DGKG: variants seen among roughly 807,000 people sequenced by gnomAD.
The protein encoded by DGKG is diacylglycerol kinase gamma.
DGKG carries 78 observed loss-of-function variants against 105.3 expected under a neutral mutation model. The ratio of observed to expected loss-of-function variants is 0.74; its 90% CI spans 0.62 to 0.89. The LOEUF (loss-of-function observed/expected upper bound fraction) is 0.89. DGKG is among the 40% of genes least tolerant of loss of function. The pLI is 0.00. For synonymous variants in DGKG, 346 were observed against 367.1 expected (o/e 0.94, Z 0.66); for missense variants, 958 against 1,020.1 (o/e 0.94, Z 0.83).
chr3:186,342,100 G>A (rs1038020706), intron 1 of DGKG, among the ~76,000 whole-genome samples: 4 of 152,114 alleles, frequency 2.6e-5, no homozygotes, highest in Admixed American at 2.6e-4. Context: ...GCACCAGCAT[G>A]GCACATGTAT....
intron 3 of DGKG, among the ~76,000 whole-genome samples, chr3:186,304,264 G>A (rs998466045): frequency 3.3e-5 from 5 of 152,244 alleles, no homozygotes; most frequent in African/African-American, 9.6e-5. Context: ...GGGGTGTGGG[G>A]CAGTGAGTTC....
chr3:186,330,827 C>A (rs78796365), intron 1 of DGKG, among the ~76,000 whole-genome samples: 2 of 152,210 alleles, frequency 1.3e-5, no homozygotes, highest in African/African-American at 4.8e-5. Context: ...AACCCATCCC[C>A]GCTCAGCCTG....
At chr3:186,241,035 G>A (rs576612749) in intron 20 of DGKG, among the ~76,000 whole-genome samples, 22 of 152,180 alleles carry the variant, frequency 1.4e-4, no homozygotes, top group Non-Finnish European at 3.2e-4. Context: ...GTGAGAGCAA[G>A]AAGATGCTGT....
chr3:186,159,851 G>C (rs1716204333), intron 24 of DGKG: 1 of 152,284 alleles, frequency 6.6e-6, no homozygotes, highest in African/African-American at 2.4e-5. Context: ...AGGTCACAAG[G>C]GGCGGGGGGG....
intron 22 of DGKG, among the ~76,000 whole-genome samples, chr3:186,178,738 G>T (rs1284118471): frequency 2.6e-5 from 4 of 152,306 alleles, no homozygotes; most frequent in African/African-American, 7.2e-5. Context: ...GTGAATGATT[G>T]CTTCACTTGA....
intron 2 of DGKG, among the ~76,000 whole-genome samples, chr3:186,310,838 C>T (rs1055514050): frequency 2.0e-5 from 3 of 152,192 alleles, no homozygotes; most frequent in Non-Finnish European, 4.4e-5. Context: ...AGACGCTGTC[C>T]TAGTCACCTT....
At chr3:186,159,984 A>G (rs1240751575) in intron 24 of DGKG, 1 of 175,780 alleles carries the variant, frequency 5.7e-6, no homozygotes, top group African/African-American at 2.4e-5. Flanking sequence ...AGGCCTCCCC[A>G]GAAACCAGCC....
At chr3:186,205,077 C>A (rs762971978) in intron 21 of DGKG, among the ~76,000 whole-genome samples, 1 of 151,730 alleles carries the variant, frequency 6.6e-6, no homozygotes, top group South Asian at 2.1e-4. Context: ...GCCAACATGG[C>A]GAAACCCCGT....
chr3:186,330,038 G>A (rs574660113), intron 1 of DGKG, among the ~76,000 whole-genome samples: 3 of 152,248 alleles, frequency 2.0e-5, no homozygotes, highest in East Asian at 1.9e-4. Context: ...TCATTTTCAT[G>A]GAGTCAAAGT....
chr3:186,317,630 C>T (rs145777808), intron 2 of DGKG, among the ~76,000 whole-genome samples: 34 of 152,304 alleles, frequency 2.2e-4, no homozygotes, highest in African/African-American at 7.5e-4. Flanking sequence ...GTCCTCTACC[C>T]GGAATGCCCT....
intron 22 of DGKG, 32 bp from the exon 23 acceptor site, chr3:186,165,050 C>T (rs1177352618): frequency 6.3e-7 from 1 of 1,599,882 alleles, no homozygotes; most frequent in East Asian, 2.2e-5. Flanking sequence ...GTAGTGCATA[C>T]ACATCTCTGT....
intron 22 of DGKG, among the ~76,000 whole-genome samples, chr3:186,166,501 C>A (rs555311252): frequency 6.6e-6 from 1 of 152,346 alleles, no homozygotes; most frequent in Admixed American, 6.5e-5. Context: ...ACCTAATAAA[C>A]AATGAATGTC....
rs576440368 is a variant in DGKG, at chr3:186,267,935, C to CGT, written c.1117-160_1117-159dup. 3.5e-4 allele frequency among the ~76,000 whole-genome samples: 53 copies of CGT among 151,580 alleles called. No homozygotes were observed. The South Asian group carries it at 6.7e-3, about 19-fold the overall frequency. ...GTATTGCCGTGTGTGTGTGTGTGCACGTGTGTGTGTGTGGTTAAGGGTGCA... is the reference window on the plus strand; with the variant it reads ...GTATTGCCGTGTGTGTGTGTGTGCACGTGTGTGTGTGTGTGGTTAAGGGTGCA... On this transcript the variant is annotated intron_variant, in intron 12 of 24. Transcript: ENST00000265022.
At chr3:186,233,150 GTC>G (rs1720235382) in intron 20 of DGKG, among the ~76,000 whole-genome samples, 1 of 152,028 alleles carries the variant, frequency 6.6e-6, no homozygotes, top group South Asian at 2.1e-4. Context: ...TAAGTTGCCA[GTC>G]AATTGACCTT....
At chr3:186,288,977 A>G in intron 5 of DGKG, 97 bp from the exon 6 acceptor site, 1 of 1,245,784 alleles carries the variant, frequency 8.0e-7, no homozygotes, top group Admixed American at 2.5e-5. Flanking sequence ...AGAGGCAAGA[A>G]TTTTGTAGAA....
At chr3:186,215,716 G>A (rs1350010993) in intron 20 of DGKG, among the ~76,000 whole-genome samples, 4 of 151,942 alleles carry the variant, frequency 2.6e-5, no homozygotes, top group Non-Finnish European at 4.4e-5. Context: ...TTTAGCTTAC[G>A]GAACAAAAAA....
intron 16 of DGKG, among the ~76,000 whole-genome samples, chr3:186,259,274 G>C (rs761284174): frequency 6.6e-6 from 1 of 152,150 alleles, no homozygotes; most frequent in Non-Finnish European, 1.5e-5. Flanking sequence ...ACGAGGTGAA[G>C]CTGGAGGACT....
intron 7 of DGKG, among the ~76,000 whole-genome samples, chr3:186,283,828 G>T (rs1187748630): frequency 1.3e-5 from 2 of 152,186 alleles, no homozygotes; most frequent in African/African-American, 2.4e-5. Context: ...GGCACCCTGG[G>T]GTTTAGAGGG....
At chr3:186,280,577 C>T in intron 8 of DGKG, 93 bp downstream of exon 8, 1 of 977,110 alleles carries the variant, frequency 1.0e-6, no homozygotes, top group Non-Finnish European at 1.6e-6. Context: ...TCTGGGAGCA[C>T]CTGCAGGGTT....
Sources: allele counts gnomAD v4.1 joint callset (sites outside exome capture counted in the v4.1 genomes callset), GRCh38; gene constraint gnomAD v4.1.1; transcripts MANE v1.5; gene names NCBI Gene and HGNC (gene_info 2026-07-23, HGNC 2026-07-21).